Variants in ARHGEF10 observed in about 807,000 individuals in gnomAD.
ARHGEF10 encodes the protein Rho guanine nucleotide exchange factor 10.
In ARHGEF10, 140 loss-of-function variants were observed where a neutral mutation model predicts 147.4. The ratio of observed to expected loss-of-function variants is 0.95; its 90% CI spans 0.83 to 1.09. The LOEUF (loss-of-function observed/expected upper bound fraction) is 1.09. Among genes scored for constraint, ARHGEF10 ranks in the 50% least tolerant of loss-of-function variants. ARHGEF10 has a pLI of 0.00. For synonymous variants in ARHGEF10, 902 were observed against 695.8 expected, an observed-to-expected ratio of 1.30 and a Z score of -4.67; for missense variants, 2,222 against 1,752.7, an observed-to-expected ratio of 1.27 and a Z score of -4.78.
Position 1,844,038 on chromosome 8 carries a change from A to G in ARHGEF10, c.37+602A>G, listed in dbSNP as rs1011880668. Among the ~76,000 whole-genome samples the G allele has an allele frequency of 1.3e-4, 20 of 152,310 alleles. No individual in the cohort carries two copies. The South Asian group carries it at 3.9e-3, about 30-fold the overall frequency. ...AAGGTGGACACTGACCGACGTTTCCATGGCAGGTCGTCTGCAGGGCCTGGA... is the reference window on the plus strand; with the variant it reads ...AAGGTGGACACTGACCGACGTTTCCGTGGCAGGTCGTCTGCAGGGCCTGGA... On this transcript the variant is annotated intron_variant, in intron 2 of 28. Coordinates refer to ENST00000349830, the MANE Select transcript of ARHGEF10 (RefSeq NM_014629.4).
intron 1 of ARHGEF10, among the ~76,000 whole-genome samples, chr8:1,836,543 T>G (rs1803593461): frequency 6.6e-6 from 1 of 151,190 alleles, no homozygotes; most frequent in Non-Finnish European, 1.5e-5. Flanking sequence ...CTTCAGGGGG[T>G]GGGATGTTTT....
intron 18 of ARHGEF10, among the ~76,000 whole-genome samples, chr8:1,913,262 A>G (rs1248914400): frequency 6.6e-6 from 1 of 151,772 alleles, no homozygotes; most frequent in African/African-American, 2.4e-5. Context: ...GCCACTGGAG[A>G]GCTGTTACCG....
chr8:1,929,578 C>G, intron 25 of ARHGEF10, 135 bp downstream of exon 25: 1 of 1,086,878 alleles, frequency 9.2e-7, no homozygotes, highest in Non-Finnish European at 1.3e-6. Context: ...GCTCGTCACC[C>G]TTGCCCAAGG....
intron 11 of ARHGEF10, among the ~76,000 whole-genome samples, chr8:1,886,138 A>G (rs1808638573): frequency 6.6e-6 from 1 of 152,192 alleles, no homozygotes; most frequent in South Asian, 2.1e-4. Flanking sequence ...AAATCTGAAT[A>G]TAATGCATTT....
intron 28 of ARHGEF10, among the ~76,000 whole-genome samples, chr8:1,954,508 A>G (rs1171574390): frequency 6.6e-6 from 1 of 152,196 alleles, no homozygotes; most frequent in Non-Finnish European, 1.5e-5. Flanking sequence ...GGTCCCAAGA[A>G]TTTCAGATAA....
chr8:1,929,158 G>A, intron 24 of ARHGEF10, 128 bp from the exon 25 acceptor site: 2 of 1,018,420 alleles, frequency 2.0e-6, no homozygotes, highest in Non-Finnish European at 1.5e-6. Context: ...GTACTGGCAA[G>A]TGTCCCTAGG....
chr8:1,854,598 C>A lies in ARHGEF10; in HGVS notation c.38-3362C>A, dbSNP rs142713494. ...GCAGAGAGCTCTTGAATTCCAAGCC[C>A]CAAGCCCCTTCCAAGCCCCTCCAAG... On this transcript the variant is annotated intron_variant, in intron 2 of 28. Coordinates refer to ENST00000349830, the MANE Select transcript of ARHGEF10 (RefSeq NM_014629.4). 4.2e-3 allele frequency among the ~76,000 whole-genome samples: 640 copies of A among 150,810 alleles called. 1 individual carries two copies. Among genetic ancestry groups the A allele is most frequent in the African/African-American group, 0.014 (577 of 40,186 alleles).
intron 2 of ARHGEF10, among the ~76,000 whole-genome samples, chr8:1,856,034 T>C (rs1011191674): frequency 1.3e-5 from 2 of 152,114 alleles, no homozygotes; most frequent in African/African-American, 4.8e-5. Flanking sequence ...AGCGGTTCTG[T>C]CCATTCCAGC....
At chr8:1,930,057 G>A (rs2129227297) in intron 25 of ARHGEF10, among the ~76,000 whole-genome samples, 1 of 152,262 alleles carries the variant, frequency 6.6e-6, no homozygotes, top group Middle Eastern at 3.4e-3. Flanking sequence ...GGCCGCCGCT[G>A]CTTGTGGGAG....
chr8:1,915,188 G>C (rs1304324172), intron 18 of ARHGEF10, among the ~76,000 whole-genome samples: 1 of 152,176 alleles, frequency 6.6e-6, no homozygotes, highest in Non-Finnish European at 1.5e-5. Context: ...AAACCACAAA[G>C]AGCTCTCAGA....
In ARHGEF10 at chr8:1,948,248, T is replaced by A. The variant is rs1814752461; in HGVS notation, c.3397+2593T>A. ...CTGGGCTGGCTCTCCATGGCCACAGTGCGTGCTCTCAGCCCCCTGCTCCGG... is the reference window on the plus strand; with the variant it reads ...CTGGGCTGGCTCTCCATGGCCACAGAGCGTGCTCTCAGCCCCCTGCTCCGG... On this transcript the variant is annotated intron_variant, in intron 27 of 28. Transcript: ENST00000349830. This position sits in a 1 kb window ranked among gnomAD's most constrained non-coding sequence, Gnocchi z 4.9. Among the ~76,000 whole-genome samples, 1 of 152,120 alleles carries A rather than the reference T, an allele frequency of 6.6e-6. No homozygotes were observed. Among genetic ancestry groups the A allele is most frequent in the East Asian group, 1.9e-4 (1 of 5,174 alleles).
chr8:1,886,069 G>A (rs1268978261), intron 11 of ARHGEF10, among the ~76,000 whole-genome samples: 1 of 152,160 alleles, frequency 6.6e-6, no homozygotes, highest in Non-Finnish European at 1.5e-5. Context: ...TGTATGGTCA[G>A]TATGTGTATG....
rs887039426 is a variant in ARHGEF10 at position 1,933,916 on chromosome 8, A to G, written c.3196A>G (p.Ile1066Val). ...WAASGGQVFI[I>V]SVETHAVEGQ... The stretch of plus-strand genomic sequence containing the variant: ...GGCTTCCGGAGGTCAAGTCTTCATC[A>G]TCAGTGTGGAGACTCATGCTGTAGA... The change falls in exon 26 of 29, where the codon ATC becomes GTC. Residue 1066 changes from isoleucine to valine, a missense_variant. Coordinates refer to ENST00000349830, the MANE Select transcript of ARHGEF10 (RefSeq NM_014629.4). 1 of 1,614,102 alleles carries G rather than the reference A, an allele frequency of 6.2e-7. No homozygotes were observed.
At chr8:1,861,582 T>G (rs1806136643) in intron 4 of ARHGEF10, among the ~76,000 whole-genome samples, 1 of 152,196 alleles carries the variant, frequency 6.6e-6, no homozygotes, top group Non-Finnish European at 1.5e-5. Context: ...TTCTTATTCC[T>G]GTAAAGGTTT....
At chr8:1,837,778 T>C (rs775162577) in intron 1 of ARHGEF10, among the ~76,000 whole-genome samples, 3 of 152,208 alleles carry the variant, frequency 2.0e-5, no homozygotes, top group Admixed American at 1.3e-4. Context: ...CGAGGCTGCC[T>C]GGCTCCTCGG....
chr8:1,932,099 C>T (rs1403413587), intron 25 of ARHGEF10, among the ~76,000 whole-genome samples: 3 of 152,144 alleles, frequency 2.0e-5, no homozygotes, highest in Non-Finnish European at 4.4e-5. Flanking sequence ...GATTCACAAC[C>T]CTGCGTTCTT....
chr8:1,880,549 A>G (rs1808101163), intron 9 of ARHGEF10, among the ~76,000 whole-genome samples: 1 of 152,262 alleles, frequency 6.6e-6, no homozygotes, highest in Non-Finnish European at 1.5e-5. Context: ...TTAAATGAAC[A>G]TTTATAAAAA....
chr8:1,882,605 C>T (rs777652484), intron 9 of ARHGEF10, 30 bp from the exon 10 acceptor site: 6 of 1,538,444 alleles, frequency 3.9e-6, no homozygotes, highest in Admixed American at 3.9e-5. Flanking sequence ...CTGCCGCCGT[C>T]CCGTTCTCAC....
In ARHGEF10 at chr8:1,864,386, C is replaced by G; in HGVS notation, c.495C>G (p.Val165=). 1.2e-6 allele frequency: 2 copies of G among 1,614,132 alleles called. No individual in the cohort carries two copies. Among genetic ancestry groups the G allele is most frequent in the Non-Finnish European group, 1.7e-6 (2 of 1,180,026 alleles). Reference sequence around the variant, plus strand: ...CTTTCCCAGCAGAAACACCAGAAGTCACAGAAGATCGCCAGCCCAATTCTC... The same window carrying G: ...CTTTCCCAGCAGAAACACCAGAAGTGACAGAAGATCGCCAGCCCAATTCTC... The part of the protein sequence containing the change: ...TSLDEEETPE[V]TEDRQPNSLS... The change falls in exon 5 of 29, where the codon GTC becomes GTG. Residue 165 remains valine (V), a synonymous_variant. Transcript: ENST00000349830.
Sources: allele counts gnomAD v4.1 joint callset (sites outside exome capture counted in the v4.1 genomes callset), GRCh38; gene constraint gnomAD v4.1.1; non-coding constraint Gnocchi (gnomAD v3.1); transcripts MANE v1.5; gene names NCBI Gene and HGNC (gene_info 2026-07-23, HGNC 2026-07-21).